SAMD5: variants seen among roughly 807,000 people sequenced by gnomAD.
SAMD5 encodes the protein sterile alpha motif domain-containing protein 5.
A neutral mutation model predicts 11.3 loss-of-function variants in SAMD5; 13 were observed. That is an observed-to-expected ratio of 1.15 (90% confidence interval 0.75 to 1.83). The LOEUF (loss-of-function observed/expected upper bound fraction) is 1.83, where lower values mean the gene tolerates loss of function less well. Ranked by LOEUF, SAMD5 falls within the 40% of genes most tolerant of loss-of-function variation. SAMD5 has a pLI of 0.00. For missense variants in SAMD5, 255 were observed against 239.1 expected (o/e 1.07, Z -0.44); for synonymous variants, 129 against 111.3 (o/e 1.16, Z -1.00).
intron 1 of SAMD5, among the ~76,000 whole-genome samples, chr6:147,690,777 A>G (rs1214023150): frequency 6.6e-6 from 1 of 152,190 alleles, no homozygotes; most frequent in Non-Finnish European, 1.5e-5. Context: ...AAAGCAGTTA[A>G]CTTCTCTGAA....
the SAMD5 span, among the ~76,000 whole-genome samples, chr6:147,907,844 T>A: frequency 6.6e-6 from 1 of 152,236 alleles, no homozygotes; most frequent in African/African-American, 2.4e-5. Flanking sequence ...GTAATGATAT[T>A]TTTTTACCTG....
rs921679520 is a variant in SAMD5 at position 147,567,291 on chromosome 6, A to T, written c.*2835A>T. 1 of 985,206 alleles carries T rather than the reference A, an allele frequency of 1.0e-6. No individual in the cohort carries two copies. The highest frequency in any genetic ancestry group is 1.2e-6 in the Non-Finnish European group (1 of 829,810). 61.0% of individuals were successfully genotyped at this position (985,206 alleles called of 1,614,324 possible). A position where few individuals can be genotyped will look rare whatever the true frequency, so the allele number is the denominator to read the frequency against. Reference sequence around the variant, plus strand: ...GGATAGTAGTTTCTCAACTGGGAGCATACGAGCAATTTCTCAGTTCAGAGA... The same window carrying T: ...GGATAGTAGTTTCTCAACTGGGAGCTTACGAGCAATTTCTCAGTTCAGAGA... On this transcript the variant is annotated 3_prime_UTR_variant, in exon 2 of 2. Coordinates refer to ENST00000367474, the MANE Select transcript of SAMD5 (RefSeq NM_001030060.3).
chr6:147,861,521 A>G, the SAMD5 span, among the ~76,000 whole-genome samples: 6 of 152,120 alleles, frequency 3.9e-5, no homozygotes, highest in African/African-American at 1.2e-4. Context: ...CTTTCCCTCC[A>G]TCACAGCCCA....
At chr6:147,862,646 A>G in the SAMD5 span, among the ~76,000 whole-genome samples, 1 of 152,228 alleles carries the variant, frequency 6.6e-6, no homozygotes, top group Non-Finnish European at 1.5e-5. Context: ...CAAATAGTGT[A>G]ACAAATTTAC....
the SAMD5 span, among the ~76,000 whole-genome samples, chr6:147,789,699 A>G: frequency 5.1e-4 from 77 of 152,182 alleles, 1 homozygote; most frequent in African/African-American, 1.8e-3. Context: ...AGGACGCCAT[A>G]TTGTGTTTAG....
chr6:147,910,771 A>G, the SAMD5 span, among the ~76,000 whole-genome samples: 1 of 152,334 alleles, frequency 6.6e-6, no homozygotes, highest in East Asian at 1.9e-4. Flanking sequence ...TTCCACCTAT[A>G]CAACAAATCG....
chr6:147,685,497 G>T (rs1469934738), intron 1 of SAMD5, among the ~76,000 whole-genome samples: 6 of 152,116 alleles, frequency 3.9e-5, no homozygotes, highest in African/African-American at 1.4e-4. Context: ...GAAGTCTTTT[G>T]CTGGAGTCGC....
At chr6:147,940,661 T>C in the SAMD5 span, among the ~76,000 whole-genome samples, 1 of 152,154 alleles carries the variant, frequency 6.6e-6, no homozygotes, top group African/African-American at 2.4e-5. Flanking sequence ...AGGCAAATTA[T>C]GGTTCAAAAG....
At chr6:147,882,768 G>A in the SAMD5 span, among the ~76,000 whole-genome samples, 95 of 152,258 alleles carry the variant, frequency 6.2e-4, no homozygotes, top group Admixed American at 2.7e-3. Context: ...AAAATTTAAC[G>A]CTCCACATTA....
chr6:147,792,991 A>C, the SAMD5 span, among the ~76,000 whole-genome samples: 5 of 152,218 alleles, frequency 3.3e-5, no homozygotes, highest in African/African-American at 1.2e-4. Context: ...TAATTTATGG[A>C]GATAATTTAC....
At chr6:147,863,587 A>G in the SAMD5 span, among the ~76,000 whole-genome samples, 1 of 151,052 alleles carries the variant, frequency 6.6e-6, no homozygotes, top group South Asian at 2.1e-4. Context: ...ATCTTCCCCG[A>G]CCCCCTTTTC....
chr6:147,902,856 A>C, the SAMD5 span, among the ~76,000 whole-genome samples: 1 of 152,298 alleles, frequency 6.6e-6, no homozygotes, highest in Non-Finnish European at 1.5e-5. Flanking sequence ...TATCATAATT[A>C]TGTGCACACC....
chr6:147,725,440 G>A (rs1035788512), intron 1 of SAMD5, among the ~76,000 whole-genome samples: 1 of 143,964 alleles, frequency 6.9e-6, no homozygotes, highest in African/African-American at 2.6e-5. Flanking sequence ...CCAGGTTATA[G>A]TACAGTGGCT....
At chr6:147,778,742 G>A in the SAMD5 span, among the ~76,000 whole-genome samples, 1 of 152,092 alleles carries the variant, frequency 6.6e-6, no homozygotes. Flanking sequence ...ATTCTTCAGA[G>A]TACTTGACAT....
chr6:147,774,496 TA>T, the SAMD5 span, among the ~76,000 whole-genome samples: 4 of 152,214 alleles, frequency 2.6e-5, no homozygotes, highest in Non-Finnish European at 5.9e-5. Flanking sequence ...CCATATATTT[TA>T]AATCATCTCT....
At chr6:147,752,298 G>A in the SAMD5 span, among the ~76,000 whole-genome samples, 4 of 151,980 alleles carry the variant, frequency 2.6e-5, no homozygotes, top group South Asian at 2.1e-4. Context: ...CTCAAATAAC[G>A]CAATCGTGTT....
chr6:147,775,949 T>C, the SAMD5 span, among the ~76,000 whole-genome samples: 3 of 152,240 alleles, frequency 2.0e-5, no homozygotes, highest in Non-Finnish European at 4.4e-5. Context: ...AAGACATTTA[T>C]ATCAGTACTG....
chr6:147,747,607 C>G, the SAMD5 span, among the ~76,000 whole-genome samples: 1 of 152,164 alleles, frequency 6.6e-6, no homozygotes, highest in Non-Finnish European at 1.5e-5. Context: ...GCCTCCCTGG[C>G]TCAAGCAATC....
the SAMD5 span, among the ~76,000 whole-genome samples, chr6:147,928,707 T>C: frequency 2.0e-5 from 3 of 152,162 alleles, no homozygotes; most frequent in African/African-American, 7.2e-5. Flanking sequence ...CTGCTAGCAT[T>C]GGGCTTGGTT....
Sources: allele counts gnomAD v4.1 joint callset (sites outside exome capture counted in the v4.1 genomes callset), GRCh38; gene constraint gnomAD v4.1.1; transcripts MANE v1.5; gene names NCBI Gene and HGNC (gene_info 2026-07-23, HGNC 2026-07-21).